IGSF11: variants seen among roughly 807,000 people sequenced by gnomAD.
IGSF11 encodes CXADR like 1.
In IGSF11, 22 loss-of-function variants were observed where a neutral mutation model predicts 41.0. The ratio of observed to expected loss-of-function variants is 0.54; its 90% CI spans 0.38 to 0.77. IGSF11 has a LOEUF of 0.77. Ranked by LOEUF, IGSF11 falls within the 30% of genes least tolerant of loss-of-function variation. The pLI is 0.00. For missense variants in IGSF11, 444 were observed against 530.8 expected (o/e 0.84, Z 1.61); for synonymous variants, 219 against 201.3 (o/e 1.09, Z -0.74).
In IGSF11 at chr3:119,065,044, A is replaced by G. The variant is rs146018716; in HGVS notation, c.49+40100T>C. 1.4e-3 allele frequency among the ~76,000 whole-genome samples: 217 copies of G among 152,280 alleles called. 2 individuals carry two copies. Among genetic ancestry groups the G allele is most frequent in the African/African-American group, 4.7e-3 (196 of 41,570 alleles). ...TTCCTGAGACCTCCAGAATATATTT[A>G]ATGTAAGTGTTGGTAGCTGGCCTCT... is the stretch of plus-strand genomic sequence containing the variant. On this transcript the variant is annotated intron_variant, in intron 1 of 6. Transcript: ENST00000354673.
chr3:119,020,796 A>T (rs1032193702), intron 1 of IGSF11, among the ~76,000 whole-genome samples: 1 of 152,184 alleles, frequency 6.6e-6, no homozygotes, highest in Non-Finnish European at 1.5e-5. Context: ...TTTAACTATG[A>T]TATATCTATA....
In IGSF11 at chr3:118,995,955, T is replaced by C. The variant is rs559187086; in HGVS notation, c.52+38576A>G. Among the ~76,000 whole-genome samples, 4 of 152,154 alleles carry C rather than the reference T, an allele frequency of 2.6e-5. No homozygotes were observed. The South Asian group carries it at 8.3e-4, about 32-fold the overall frequency. On this transcript the variant is annotated intron_variant, in intron 1 of 6. Coordinates refer to ENST00000393775, the MANE Select transcript of IGSF11 (RefSeq NM_001015887.3). ...GAGCCACTGCACCTGGCTAATTTTTTGTATTTTTAGTAGAGACAGAGTTTC... is the reference window on the plus strand; with the variant it reads ...GAGCCACTGCACCTGGCTAATTTTTCGTATTTTTAGTAGAGACAGAGTTTC...
intron 1 of IGSF11, among the ~76,000 whole-genome samples, chr3:119,043,370 G>A (rs993396394): frequency 7.0e-4 from 106 of 152,240 alleles, no homozygotes; most frequent in East Asian, 1.9e-4. Context: ...GATTAGTCGG[G>A]TGTGAGCTAA....
chr3:118,914,506 G>C lies in IGSF11; in HGVS notation c.581-8788C>G, dbSNP rs528846498. ...AAGAAAGGGGTGACGGACGCACCTG[G>C]AAAATCGGGTCACTCCCACCCGAAT... On this transcript the variant is annotated intron_variant, in intron 4 of 6. Transcript: ENST00000393775. 6.7e-4 allele frequency among the ~76,000 whole-genome samples: 101 copies of C among 151,746 alleles called. 1 individual carries two copies. Among genetic ancestry groups the C allele is most frequent in the Non-Finnish European group, 1.2e-3 (79 of 67,928 alleles).
In IGSF11 at chr3:119,057,388, T is replaced by C. The variant is rs866912238; in HGVS notation, c.49+47756A>G. On this transcript the variant is annotated intron_variant, in intron 1 of 6. Transcript: ENST00000354673. ...CCATTCACAATTGCTTCAAAGAGAA[T>C]AAAATACCTAGGAATCCAACTTACA... Among the ~76,000 whole-genome samples, 1,322 of 152,028 alleles carry C rather than the reference T, an allele frequency of 8.7e-3. 26 individuals carry two copies. The highest frequency in any genetic ancestry group is 0.03 in the African/African-American group (1,244 of 41,468).
chr3:118,988,881 TACA>T (rs1327913833), intron 1 of IGSF11, among the ~76,000 whole-genome samples: 1 of 152,232 alleles, frequency 6.6e-6, no homozygotes, highest in Non-Finnish European at 1.5e-5. Context: ...TGAAGCACGT[TACA>T]ACATTAATAT....
At chr3:119,094,231 A>T (rs1481214630) in intron 1 of IGSF11, among the ~76,000 whole-genome samples, 4 of 126,352 alleles carry the variant, frequency 3.2e-5, no homozygotes, top group South Asian at 2.4e-4. Flanking sequence ...AGTAAAAAAA[A>T]AAAAAAAAAA....
chr3:119,087,869 A>T (rs1167661365), intron 1 of IGSF11, among the ~76,000 whole-genome samples: 1 of 152,224 alleles, frequency 6.6e-6, no homozygotes, highest in East Asian at 1.9e-4. Flanking sequence ...ATCTGACAAG[A>T]TGCCTTAACT....
At chr3:119,054,855 G>C (rs539640647) in intron 1 of IGSF11, among the ~76,000 whole-genome samples, 1 of 152,306 alleles carries the variant, frequency 6.6e-6, no homozygotes, top group Non-Finnish European at 1.5e-5. Flanking sequence ...CACAGCTTGA[G>C]ATCTGAGAAC....
chr3:118,981,704 ACCT>A (rs2107636662), intron 1 of IGSF11: 1 of 152,360 alleles, frequency 6.6e-6, no homozygotes, highest in East Asian at 1.9e-4. Context: ...TGCCACAGTG[ACCT>A]CCTCTCAGAC....
At chr3:118,931,535 CAAAG>C (rs1489281741) in intron 1 of IGSF11, among the ~76,000 whole-genome samples, 1 of 152,144 alleles carries the variant, frequency 6.6e-6, no homozygotes, top group African/African-American at 2.4e-5. Context: ...ACATATTTCT[CAAAG>C]AAGCCAGATG....
chr3:119,092,112 A>G (rs1229085770), intron 1 of IGSF11, among the ~76,000 whole-genome samples: 1 of 151,916 alleles, frequency 6.6e-6, no homozygotes, highest in Non-Finnish European at 1.5e-5. Context: ...CCTGGGTTCA[A>G]GCAATTTTCA....
intron 1 of IGSF11, among the ~76,000 whole-genome samples, chr3:119,116,837 G>A (rs1015815319): frequency 1.1e-4 from 16 of 152,126 alleles, no homozygotes; most frequent in Middle Eastern, 3.4e-3. Context: ...TCTCCACCTG[G>A]ACCTGATGGC....
intron 1 of IGSF11, among the ~76,000 whole-genome samples, chr3:119,024,911 C>T (rs993379341): frequency 2.0e-5 from 3 of 152,100 alleles, no homozygotes; most frequent in African/African-American, 7.2e-5. Context: ...TTTGAACTGA[C>T]CCCTTCCTGA....
At chr3:119,064,678 A>G (rs921998009) in intron 1 of IGSF11, among the ~76,000 whole-genome samples, 2 of 151,966 alleles carry the variant, frequency 1.3e-5, no homozygotes, top group African/African-American at 2.4e-5. Flanking sequence ...TGGCATATCA[A>G]TCAGTGCATT....
At chr3:119,120,170 A>G (rs2077313258) in intron 1 of IGSF11, among the ~76,000 whole-genome samples, 1 of 152,222 alleles carries the variant, frequency 6.6e-6, no homozygotes, top group Non-Finnish European at 1.5e-5. Context: ...AGCATGAAAC[A>G]CTACTGTCAA....
intron 1 of IGSF11, among the ~76,000 whole-genome samples, chr3:119,119,718 C>A (rs139831056): frequency 6.3e-4 from 96 of 152,138 alleles, no homozygotes; most frequent in African/African-American, 2.2e-3. Flanking sequence ...TCTCAGAGTA[C>A]GGTGACTACC....
intron 1 of IGSF11, among the ~76,000 whole-genome samples, chr3:119,084,116 G>T (rs1333475642): frequency 2.0e-5 from 3 of 151,948 alleles, no homozygotes; most frequent in Non-Finnish European, 4.4e-5. Flanking sequence ...TAGAGGAGGG[G>T]GCAAGATGGA....
intron 4 of IGSF11, among the ~76,000 whole-genome samples, chr3:118,913,603 A>G (rs902592558): frequency 6.6e-6 from 1 of 152,042 alleles, no homozygotes; most frequent in Non-Finnish European, 1.5e-5. Context: ...AGAAAAACAA[A>G]CATGAGAACA....
Sources: gnomAD v4.1 joint callset for allele counts (sites outside exome capture counted in the v4.1 genomes callset) on GRCh38, gnomAD v4.1.1 for gene constraint, MANE v1.5 for transcripts, NCBI Gene and HGNC (gene_info 2026-07-23, HGNC 2026-07-21) for gene names.